The following MXD1 variants were observed in gnomAD, a reference collection of about 807,000 sequenced individuals.
MXD1 encodes MAX dimerization protein 1, also known as MAX-binding protein.
In MXD1, 9 loss-of-function variants were observed where a neutral mutation model predicts 25.7. That is an observed-to-expected ratio of 0.35 (90% CI 0.21 to 0.61). The LOEUF is 0.61. Among genes scored for constraint, MXD1 ranks in the 20% least tolerant of loss-of-function variants. MXD1 has a pLI of 0.75. For missense variants in MXD1, 227 were observed against 292.4 expected, an observed-to-expected ratio of 0.78 and a Z score of 1.63; for synonymous variants, 99 against 113.9, an observed-to-expected ratio of 0.87 and a Z score of 0.83.
chr2:69,935,801 A>G (rs899008359), intron 4 of MXD1, among the ~76,000 whole-genome samples: 3 of 152,074 alleles, frequency 2.0e-5, no homozygotes, highest in Non-Finnish European at 2.9e-5. Flanking sequence ...CCCACTGTCT[A>G]CTGCAATAAA....
Position 69,928,719 on chromosome 2 carries a change from A to C in MXD1, c.204-6632A>C, listed in dbSNP as rs866396413. Among the ~76,000 whole-genome samples, 203 of 145,454 alleles carry C rather than the reference A, an allele frequency of 1.4e-3. 1 individual carries two copies. The highest frequency in any genetic ancestry group is 4.6e-3 in the South Asian group (21 of 4,538). ...CATCTGTACCAAAAAAAAAAAAAAAACCTGTAGTCCCACCTACTCAGGAGG... is the reference window on the plus strand; with the variant it reads ...CATCTGTACCAAAAAAAAAAAAAAACCCTGTAGTCCCACCTACTCAGGAGG... On this transcript the variant is annotated intron_variant, in intron 3 of 5. Transcript: ENST00000264444.
intron 3 of MXD1, among the ~76,000 whole-genome samples, chr2:69,934,568 G>T (rs547338374): frequency 2.4e-4 from 37 of 152,130 alleles, no homozygotes; most frequent in Non-Finnish European, 4.7e-4. Context: ...ATCTCTGTCT[G>T]ACTGTTCCTT....
intron 2 of MXD1, among the ~76,000 whole-genome samples, chr2:69,917,964 AT>A (rs1273985638): frequency 6.6e-6 from 1 of 152,158 alleles, no homozygotes; most frequent in African/African-American, 2.4e-5. Flanking sequence ...TGGTGTAAGG[AT>A]TTCTGAGAGA....
chr2:69,938,508 T>C lies in MXD1; in HGVS notation c.*224T>C. On this transcript the variant is annotated 3_prime_UTR_variant, in exon 6 of 6. Coordinates refer to ENST00000264444, the MANE Select transcript of MXD1 (RefSeq NM_002357.4). ...CCATAAAAATTTGTCTCTGAGAGAC[T>C]ATACATTCCAATCAATTTGAAGCAT... is the stretch of plus-strand genomic sequence containing the variant. The C allele has an allele frequency of 2.0e-6, 1 of 512,086 alleles. No individual in the cohort carries two copies. Among genetic ancestry groups the C allele is most frequent in the Non-Finnish European group, 3.5e-6 (1 of 286,598 alleles). 31.7% of individuals were successfully genotyped at this position (512,086 alleles called of 1,614,324 possible).
rs1296071135 is a variant in MXD1 at position 69,938,931 on chromosome 2, C to T, written c.*647C>T. On this transcript the variant is annotated 3_prime_UTR_variant, in exon 6 of 6. Coordinates refer to ENST00000264444, the MANE Select transcript of MXD1 (RefSeq NM_002357.4). ...ATAGTGTGTCTCTGGGGTTGCACAG[C>T]TCATCAAAGTTCCAAATTGTTTGTT... The T allele has an allele frequency of 6.6e-6, 1 of 152,642 alleles. No homozygotes were observed. Among genetic ancestry groups the T allele is most frequent in the Non-Finnish European group, 1.5e-5 (1 of 68,062 alleles). The allele number at this position is 152,642 out of a possible 1,614,324, so 9.5% of individuals were successfully genotyped here. A position where few individuals can be genotyped will look rare whatever the true frequency, so the allele number is the denominator to read the frequency against.
At position 69,938,263 on chromosome 2, in the gene MXD1, C is replaced by A. The variant is rs1303285667; in HGVS notation, c.645C>A (p.His215Gln). The A allele has an allele frequency of 6.2e-7, 1 of 1,614,154 alleles. No homozygotes were observed. Among genetic ancestry groups the A allele is most frequent in the Admixed American group, 1.7e-5 (1 of 60,024 alleles). ...AGAGAATAAAGCTGCAGGACAGTCA[C>A]AAGGCGTGTCTTGGTCTCTAAGAGA... ...SIKRIKLQDSHKACLGL is the reference protein window; with the variant it reads ...SIKRIKLQDSQKACLGL Residue 215 changes from histidine (H) to glutamine (Q), a missense_variant, in exon 6 of 6, where the codon CAC becomes CAA. By Grantham distance (24) the His-to-Gln change is conservative. Coordinates refer to ENST00000264444, the MANE Select transcript of MXD1 (RefSeq NM_002357.4).
At chr2:69,933,200 CAAAAAA>C (rs59201689) in intron 3 of MXD1, among the ~76,000 whole-genome samples, 1,168 of 80,184 alleles carry the variant, frequency 0.015, 31 homozygotes, top group African/African-American at 0.04. Context: ...AACTCTGTCT[CAAAAAA>C]AAAAAAAAAA....
intron 2 of MXD1, 147 bp downstream of exon 2, chr2:69,916,367 A>G (rs1676962882): frequency 3.9e-6 from 2 of 515,194 alleles, no homozygotes; most frequent in Non-Finnish European, 6.8e-6. Flanking sequence ...GACTTAAGCC[A>G]TTGCAGGAAG....
intron 2 of MXD1, 81 bp downstream of exon 2, chr2:69,916,301 G>T: frequency 1.2e-6 from 1 of 827,192 alleles, no homozygotes; most frequent in Non-Finnish European, 2.0e-6. Flanking sequence ...TTTCTGTTGT[G>T]ATTATAACCC....
chr2:69,935,144 T>G (rs913009826), intron 3 of MXD1, among the ~76,000 whole-genome samples: 5 of 152,360 alleles, frequency 3.3e-5, no homozygotes, highest in South Asian at 2.1e-4. Flanking sequence ...ATCAATAGAC[T>G]TAGCTTCGAA....
chr2:69,933,200 CA>C lies in MXD1; in HGVS notation c.204-2127del, dbSNP rs59201689. 9.2e-3 allele frequency among the ~76,000 whole-genome samples: 739 copies of C among 80,170 alleles called. 10 individuals are homozygous for C. Among genetic ancestry groups the C allele is most frequent in the African/African-American group, 0.029 (689 of 23,752 alleles). The allele number at this position is 80,170 out of a possible 152,430, so 52.6% of individuals were successfully genotyped here. A position where few individuals can be genotyped will look rare whatever the true frequency, so the allele number is the denominator to read the frequency against. On this transcript the variant is annotated intron_variant, in intron 3 of 5. Transcript: ENST00000264444. ...GGCGACAAGAGCAAGAACTCTGTCT[CA>C]AAAAAAAAAAAAAAAAAAAAAAACA...
intron 2 of MXD1, among the ~76,000 whole-genome samples, chr2:69,917,732 A>G (rs565072072): frequency 1.3e-5 from 2 of 152,266 alleles, no homozygotes; most frequent in South Asian, 4.1e-4. Context: ...TTGGTCCCAA[A>G]AGGTGATTAG....
rs1321938171 is a variant in MXD1, at chr2:69,935,390, G to T, written c.243G>T (p.Gly81=). 6.2e-7 allele frequency: 1 copy of T among 1,614,142 alleles called. No homozygotes were observed. Residue 81 remains glycine, a synonymous_variant, in exon 4 of 6, where the codon GGG becomes GGT. Coordinates refer to ENST00000264444, the MANE Select transcript of MXD1 (RefSeq NM_002357.4). ...GCTTGTGCCTGGAGAAGTTGAAGGG[G>T]CTGGTGCCACTTGGACCCGAATCAA... ...HLRLCLEKLK[G]LVPLGPESSR...
chr2:69,936,956 C>G (rs184456564), intron 4 of MXD1: 1 of 559,222 alleles, frequency 1.8e-6, no homozygotes, highest in East Asian at 4.4e-5. Flanking sequence ...CTTTCTGATA[C>G]TAAAACTGAG....
intron 3 of MXD1, among the ~76,000 whole-genome samples, chr2:69,930,907 G>A (rs191328476): frequency 2.6e-5 from 4 of 152,304 alleles, no homozygotes; most frequent in Admixed American, 1.3e-4. Context: ...CCAGGGAGGC[G>A]CTTGTCACCC....
Position 69,915,440 on chromosome 2 carries a change from G to GCCGGGGGTCCTGTGGGGCCGGCCTCAGGT in MXD1, c.73+43_73+71dup, listed in dbSNP as rs1676943763. ...CGGGGAGGGGTCCACTCGAAACGAG[G>GCCGGGGGTCCTGTGGGGCCGGCCTCAGGT]CCGGGGGTCCTGTGGGGCCGGCCTC... On this transcript the variant is annotated intron_variant, in intron 1 of 5. Coordinates refer to ENST00000264444, the MANE Select transcript of MXD1 (RefSeq NM_002357.4). The surrounding 1 kb of genome is among the most constrained non-coding windows in gnomAD (Gnocchi z 5.8). 1.6e-6 allele frequency: 2 copies of GCCGGGGGTCCTGTGGGGCCGGCCTCAGGT among 1,259,884 alleles called. No individual in the cohort carries two copies. The highest frequency in any genetic ancestry group is 3.1e-5 in the African/African-American group (2 of 64,446). 78.0% of individuals were successfully genotyped at this position (1,259,884 alleles called of 1,614,324 possible). A position where few individuals can be genotyped will look rare whatever the true frequency, so the allele number is the denominator to read the frequency against.
intron 3 of MXD1, among the ~76,000 whole-genome samples, chr2:69,930,784 C>T (rs1192768381): frequency 6.6e-6 from 1 of 152,186 alleles, no homozygotes; most frequent in Non-Finnish European, 1.5e-5. Context: ...TCTCCTTCTA[C>T]AGAGGAAGCT....
Position 69,916,209 on chromosome 2 carries a change from C to T in MXD1, c.162C>T (p.Asn54=). Residue 54 remains asparagine (N), a synonymous_variant, in exon 2 of 6, where the codon AAC becomes AAT. Coordinates refer to ENST00000264444, the MANE Select transcript of MXD1 (RefSeq NM_002357.4). ...LKRRNKSKKN[N]SSSRSTHNEM... Reference sequence around the variant, plus strand: ...GGAGGAACAAATCCAAAAAGAATAACAGCAGTAGCAGGTAATTTGGTAAAT... The same window carrying T: ...GGAGGAACAAATCCAAAAAGAATAATAGCAGTAGCAGGTAATTTGGTAAAT... The T allele has an allele frequency of 6.3e-7, 1 of 1,596,554 alleles. No homozygotes were observed. The highest frequency in any genetic ancestry group is 8.6e-7 in the Non-Finnish European group (1 of 1,164,930).
In MXD1 at chr2:69,935,453, A is replaced by G. The variant is rs749390280; in HGVS notation, c.306A>G (p.Lys102=). Residue 102 remains lysine (K), a synonymous_variant, in exon 4 of 6, where the codon AAA becomes AAG. Coordinates refer to ENST00000264444, the MANE Select transcript of MXD1 (RefSeq NM_002357.4). ...CGTTGAGTTTATTAACAAAAGCCAAATTGCACATAAAGGTAAGTGTATTGT... is the reference window on the plus strand; with the variant it reads ...CGTTGAGTTTATTAACAAAAGCCAAGTTGCACATAAAGGTAAGTGTATTGT... ...HTTLSLLTKA[K]LHIKKLEDCD... is the part of the protein sequence containing the mutation. 9.3e-6 allele frequency: 15 copies of G among 1,611,234 alleles called. No homozygotes were observed. In the South Asian group the frequency reaches 1.5e-4, roughly 17 times the overall value.
Sources: gnomAD v4.1 joint callset for allele counts (sites outside exome capture counted in the v4.1 genomes callset) on GRCh38, gnomAD v4.1.1 for gene constraint, Gnocchi (gnomAD v3.1) non-coding constraint, MANE v1.5 for transcripts, NCBI Gene and HGNC (gene_info 2026-07-23, HGNC 2026-07-21) for gene names.